Variants in EXOC5 observed in about 807,000 individuals in gnomAD.
The protein encoded by EXOC5 is SEC10-like 1.
In EXOC5, 17 loss-of-function variants were observed where a neutral mutation model predicts 90.8. That is an observed-to-expected ratio of 0.19 (90% CI 0.13 to 0.28). The LOEUF (loss-of-function observed/expected upper bound fraction) is 0.28. Among genes scored for constraint, EXOC5 ranks in the 10% least tolerant of loss-of-function variants. The probability of loss-of-function intolerance (pLI) is 1.00; values close to 1 mark genes in which losing one functional copy is unlikely to be tolerated. For synonymous variants in EXOC5, 260 were observed against 270.0 expected, an observed-to-expected ratio of 0.96 and a Z score of 0.36; for missense variants, 569 against 830.6, an observed-to-expected ratio of 0.69 and a Z score of 3.87.
chr14:57,231,686 T>G lies in EXOC5; in HGVS notation c.968A>C (p.Glu323Ala). The G allele has an allele frequency of 6.2e-7, 1 of 1,608,026 alleles. No individual in the cohort carries two copies. Among genetic ancestry groups the G allele is most frequent in the East Asian group, 2.2e-5 (1 of 44,778 alleles). Residue 323 changes from glutamate (E) to alanine (A), a missense_variant, in exon 11 of 18, where the codon GAG (glutamate) becomes GCG (alanine). Transcript: ENST00000621441. ...RTTNLSSKLM[E>A]FNLGTDKQTF... Reference sequence around the variant, plus strand: ...CTGTTTATCAGTACCTAAATTAAACTCCATCAGCTTGCTGGAAAGATTGGT... The same window carrying G: ...CTGTTTATCAGTACCTAAATTAAACGCCATCAGCTTGCTGGAAAGATTGGT...
At chr14:57,241,584 G>A (rs925711697) in intron 4 of EXOC5, among the ~76,000 whole-genome samples, 1 of 152,070 alleles carries the variant, frequency 6.6e-6, no homozygotes, top group Non-Finnish European at 1.5e-5. Context: ...AATGGCACTT[G>A]TTTATATTGA....
chr14:57,229,154 A>T (rs1883401475), intron 12 of EXOC5, among the ~76,000 whole-genome samples: 1 of 152,128 alleles, frequency 6.6e-6, no homozygotes, highest in South Asian at 2.1e-4. Flanking sequence ...ATTTAATCCT[A>T]CATAACAAAA....
In EXOC5 at chr14:57,203,632, G is replaced by C. The variant is rs1407899943; in HGVS notation, c.*4977C>G. ...CATATTTCCTCCTATTAAGTCACTA[G>C]GCACTTATAATTCTACATTTTACTG... On this transcript the variant is annotated 3_prime_UTR_variant, in exon 18 of 18. Coordinates refer to ENST00000621441, the MANE Select transcript of EXOC5 (RefSeq NM_006544.4). 1 of 152,434 alleles carries C rather than the reference G, an allele frequency of 6.6e-6. No individual in the cohort carries two copies. Among genetic ancestry groups the C allele is most frequent in the Non-Finnish European group, 1.5e-5 (1 of 68,020 alleles). 9.4% of individuals were successfully genotyped at this position (152,434 alleles called of 1,614,324 possible). A position where few individuals can be genotyped will look rare whatever the true frequency, so the allele number is the denominator to read the frequency against.
chr14:57,257,159 T>A (rs1049869617), intron 1 of EXOC5, among the ~76,000 whole-genome samples: 1 of 151,944 alleles, frequency 6.6e-6, no homozygotes, highest in Admixed American at 6.6e-5. Context: ...AGACTGGATA[T>A]GTGGAGAAAG....
In EXOC5 at chr14:57,214,432, C is replaced by T. The variant is rs140835436; in HGVS notation, c.1613+3550G>A. ...TTCAAATTTTGAAGCATTTTTATTT[C>T]GGATTTTTGGATTGGGGTGCTGAAT... On this transcript the variant is annotated intron_variant, in intron 15 of 17. Coordinates refer to ENST00000621441, the MANE Select transcript of EXOC5 (RefSeq NM_006544.4). Among the ~76,000 whole-genome samples, 11 of 152,138 alleles carry T rather than the reference C, an allele frequency of 7.2e-5. No individual in the cohort carries two copies. The East Asian group carries it at 1.2e-3, about 16-fold the overall frequency.
At chr14:57,245,387 C>T (rs61310516) in intron 3 of EXOC5, among the ~76,000 whole-genome samples, 24,933 of 151,936 alleles carry the variant, frequency 0.16, 4,129 homozygotes, top group African/African-American at 0.43. Flanking sequence ...ATTCTCTCAA[C>T]AACACACTTT....
chr14:57,244,311 C>T lies in EXOC5; in HGVS notation c.319G>A (p.Ala107Thr), dbSNP rs1364724117. 6.2e-7 allele frequency: 1 copy of T among 1,613,880 alleles called. No homozygotes were observed. The highest frequency in any genetic ancestry group is 1.1e-5 in the South Asian group (1 of 91,076). ...QELDEHISYV[A>T]TKVCHLGDQL... ...TCTCCAAGGTGACAGACTTTAGTTG[C>T]TACATAGCTAATGTGCTCATCTAGT... The change falls in exon 4 of 18, where the codon GCA (alanine) becomes ACA (threonine). Residue 107 changes from alanine to threonine, a missense_variant. Transcript: ENST00000621441.
intron 1 of EXOC5, among the ~76,000 whole-genome samples, chr14:57,263,891 C>A: frequency 6.6e-6 from 1 of 152,046 alleles, no homozygotes; most frequent in Non-Finnish European, 1.5e-5. Context: ...CAAACTGGAG[C>A]CATCTTGTGT....
rs1203256477 is a variant in EXOC5 at position 57,202,283 on chromosome 14, AAT to A, written c.*6324_*6325del. 1 of 152,210 alleles carries A rather than the reference AAT, an allele frequency of 6.6e-6. No homozygotes were observed. Among genetic ancestry groups the A allele is most frequent in the African/African-American group, 2.4e-5 (1 of 41,452 alleles). The allele number at this position is 152,210 out of a possible 1,614,324, so 9.4% of individuals were successfully genotyped here. A position where few individuals can be genotyped will look rare whatever the true frequency, so the allele number is the denominator to read the frequency against. On this transcript the variant is annotated 3_prime_UTR_variant, in exon 18 of 18. Coordinates refer to ENST00000621441, the MANE Select transcript of EXOC5 (RefSeq NM_006544.4). ...GACTAGAGCCACTACAACCTAAAGC[AAT>A]ACATGATTTTGAACTGAGATCCTTA... is the stretch of plus-strand genomic sequence containing the variant.
chr14:57,202,326 G>C lies in EXOC5; in HGVS notation c.*6283C>G, dbSNP rs1437482981. On this transcript the variant is annotated 3_prime_UTR_variant, in exon 18 of 18. Transcript: ENST00000621441. ...GAGATCCTTAAAAGGAATTAGGACAGCTAGTAAAATGATTGGTGTCTGAGG... is the reference window on the plus strand; with the variant it reads ...GAGATCCTTAAAAGGAATTAGGACACCTAGTAAAATGATTGGTGTCTGAGG... The C allele has an allele frequency of 4.6e-5, 7 of 152,164 alleles. No homozygotes were observed. The highest frequency in any genetic ancestry group is 1.0e-4 in the Non-Finnish European group (7 of 68,032). 9.4% of individuals were successfully genotyped at this position (152,164 alleles called of 1,614,324 possible).
In EXOC5 at chr14:57,244,372, T is replaced by G. The variant is rs749878821; in HGVS notation, c.271-13A>C. The G allele has an allele frequency of 3.8e-6, 6 of 1,592,462 alleles. No individual in the cohort carries two copies. The East Asian group carries it at 6.7e-5, about 18-fold the overall frequency. On this transcript the variant is annotated splice_polypyrimidine_tract_variant and intron_variant, in intron 3 of 17. Transcript: ENST00000621441. ...GTTGGAAGGCAACCTAGGAAAAATG[T>G]GCATAAGCATAAAATACAATCAGTG...
intron 12 of EXOC5, among the ~76,000 whole-genome samples, chr14:57,225,473 G>A (rs1883277298): frequency 6.6e-6 from 1 of 151,804 alleles, no homozygotes; most frequent in South Asian, 2.1e-4. Context: ...TAGAAGTCTG[G>A]CCAGTACAAT....
intron 7 of EXOC5, among the ~76,000 whole-genome samples, chr14:57,235,240 C>T (rs930006402): frequency 6.6e-6 from 1 of 152,068 alleles, no homozygotes; most frequent in African/African-American, 2.4e-5. Flanking sequence ...GATTCTCTCC[C>T]GAGTTCAAAT....
intron 13 of EXOC5, among the ~76,000 whole-genome samples, chr14:57,220,193 T>A (rs1883087427): frequency 6.6e-6 from 1 of 151,360 alleles, no homozygotes; most frequent in South Asian, 2.1e-4. Flanking sequence ...AAAACAAAGG[T>A]GTTTCCCTCC....
intron 13 of EXOC5, among the ~76,000 whole-genome samples, chr14:57,220,713 T>C (rs990257479): frequency 6.6e-6 from 1 of 152,066 alleles, no homozygotes; most frequent in Non-Finnish European, 1.5e-5. Context: ...GGTAGGAGTA[T>C]TGCTTGAGCC....
chr14:57,257,316 G>A (rs573894519), intron 1 of EXOC5, among the ~76,000 whole-genome samples: 4 of 152,306 alleles, frequency 2.6e-5, no homozygotes, highest in African/African-American at 9.6e-5. Context: ...TTCCACATAT[G>A]TTAAAGTGTA....
intron 15 of EXOC5, among the ~76,000 whole-genome samples, chr14:57,213,496 C>T (rs1882885061): frequency 6.6e-6 from 1 of 151,770 alleles, no homozygotes; most frequent in Non-Finnish European, 1.5e-5. Flanking sequence ...CAACCTCTGA[C>T]TGCCAGGTTC....
intron 15 of EXOC5, among the ~76,000 whole-genome samples, chr14:57,210,770 A>C (rs949917358): frequency 5.3e-5 from 8 of 152,178 alleles, no homozygotes; most frequent in Admixed American, 2.0e-4. Flanking sequence ...AAAAGATGAC[A>C]TGTCATTCAT....
chr14:57,218,584 T>C (rs1006460812), intron 14 of EXOC5, among the ~76,000 whole-genome samples: 9 of 152,012 alleles, frequency 5.9e-5, no homozygotes, highest in African/African-American at 2.2e-4. Context: ...TATTAAGAAA[T>C]AGGCAACCCT....
Sources: gnomAD v4.1 joint callset for allele counts (sites outside exome capture counted in the v4.1 genomes callset) on GRCh38, gnomAD v4.1.1 for gene constraint, MANE v1.5 for transcripts, NCBI Gene and HGNC (gene_info 2026-07-23, HGNC 2026-07-21) for gene names.